Variants in ZNF469 observed in about 807,000 individuals in gnomAD.
ZNF469 encodes zinc finger protein 469.
ZNF469 carries 1 observed loss-of-function variant against 1.0 expected under a neutral mutation model. The observed-to-expected ratio is 1.00, with a 90% CI of 0.35 to 4.73. The LOEUF is 4.73. Ranked by LOEUF, ZNF469 falls within the 30% of genes most tolerant of loss-of-function variation. The pLI is 0.16. For synonymous variants in ZNF469, 2,703 were observed against 2,363.4 expected (o/e 1.14, Z -4.17); for missense variants, 6,100 against 5,356.3 (o/e 1.14, Z -4.33).
rs1198914718 is a variant in ZNF469 at position 88,438,386 on chromosome 16, AG to A, written c.10918del (p.Glu3640LysfsTer80). On this transcript the variant is annotated frameshift_variant, in exon 3 of 3. Coordinates refer to ENST00000565624, the MANE Select transcript of ZNF469 (RefSeq NM_001367624.2). LOFTEE classifies it low-confidence loss of function (END_TRUNC). ...GGCAGGTGTGCCCCTGACCATTTCC[AG>A]GAAGACCACCTACTTCAGAAAGAGA... ...ARGRCAPDHF[Q>X]EDHLLQKEKE... 6.5e-7 allele frequency: 1 copy of A among 1,550,042 alleles called. No homozygotes were observed. The highest frequency in any genetic ancestry group is 8.7e-7 in the Non-Finnish European group (1 of 1,146,954).
the ZNF469 span, among the ~76,000 whole-genome samples, chr16:88,364,829 G>A: frequency 2.0e-5 from 3 of 152,138 alleles, no homozygotes; most frequent in African/African-American, 7.2e-5. Flanking sequence ...ACTGGGTGTG[G>A]TGGCAGGAGC....
At chr16:88,321,354 A>G in the ZNF469 span, among the ~76,000 whole-genome samples, 16,852 of 152,256 alleles carry the variant, frequency 0.11, 1,027 homozygotes, top group East Asian at 0.19. Context: ...GCCTGATTGG[A>G]TGCAGTCTTC....
In ZNF469 at chr16:88,431,382, T is replaced by C. The variant is rs1248460031; in HGVS notation, c.3912T>C (p.Gly1304=). The part of the protein sequence containing the change: ...PTPGVGSLLG[G]PGGTQAPVSH... Reference sequence around the variant, plus strand: ...CAGGTGTGGGCAGCCTGCTGGGTGGTCCTGGGGGCACACAGGCCCCAGTCT... The same window carrying C: ...CAGGTGTGGGCAGCCTGCTGGGTGGCCCTGGGGGCACACAGGCCCCAGTCT... Residue 1304 remains glycine, a synonymous_variant, in exon 3 of 3, where the codon GGT becomes GGC. Transcript: ENST00000565624. 1 of 1,549,914 alleles carries C rather than the reference T, an allele frequency of 6.5e-7. No individual in the cohort carries two copies. Among genetic ancestry groups the C allele is most frequent in the Admixed American group, 2.0e-5 (1 of 50,970 alleles).
At chr16:88,417,433 T>C (rs1255521529) in intron 1 of ZNF469, among the ~76,000 whole-genome samples, 1 of 152,190 alleles carries the variant, frequency 6.6e-6, no homozygotes, top group Non-Finnish European at 1.5e-5. Context: ...TCTAACCACC[T>C]GCCACCTCCA....
At chr16:88,207,842 C>T in the ZNF469 span, among the ~76,000 whole-genome samples, 1 of 151,510 alleles carries the variant, frequency 6.6e-6, no homozygotes, top group Non-Finnish European at 1.5e-5. Context: ...CTGGATAAGC[C>T]ACATCACCTC....
chr16:88,369,514 G>A, the ZNF469 span, among the ~76,000 whole-genome samples: 5 of 152,300 alleles, frequency 3.3e-5, no homozygotes, highest in South Asian at 1.0e-3. Context: ...ACACAGCAGG[G>A]CATCATGTCA....
At position 88,429,117 on chromosome 16, in the gene ZNF469, C is replaced by G. The variant is rs1905927589; in HGVS notation, c.1647C>G (p.Thr549=). The change falls in exon 3 of 3, where the codon ACC becomes ACG. Residue 549 remains threonine, a synonymous_variant. Coordinates refer to ENST00000565624, the MANE Select transcript of ZNF469 (RefSeq NM_001367624.2). ...SSQGGSPALF[T]YNGMTDPGAQ... ...AGGGCGGCTCCCCAGCACTGTTCAC[C>G]TACAACGGAATGACAGACCCTGGGG... 2 of 1,549,890 alleles carry G rather than the reference C, an allele frequency of 1.3e-6. No individual in the cohort carries two copies. The highest frequency in any genetic ancestry group is 1.4e-5 in the African/African-American group (1 of 73,020).
chr16:88,241,331 C>G, the ZNF469 span, among the ~76,000 whole-genome samples: 1 of 150,686 alleles, frequency 6.6e-6, no homozygotes, highest in African/African-American at 2.5e-5. The surrounding 1 kb of genome is among the most constrained non-coding windows in gnomAD (Gnocchi z 4.8). Flanking sequence ...TGCACTCTAG[C>G]CTGGGCGGCA....
At chr16:88,262,199 G>A in the ZNF469 span, among the ~76,000 whole-genome samples, 2 of 152,314 alleles carry the variant, frequency 1.3e-5, no homozygotes, top group African/African-American at 4.8e-5. The surrounding 1 kb of genome is among the most constrained non-coding windows in gnomAD (Gnocchi z 4.3). Flanking sequence ...TGAGGGAAGA[G>A]GCCTTTTCCA....
Position 88,437,775 on chromosome 16 carries a change from C to T in ZNF469, c.10305C>T (p.Arg3435=), listed in dbSNP as rs1254311964. 3 of 1,549,410 alleles carry T rather than the reference C, an allele frequency of 1.9e-6. No individual in the cohort carries two copies. Among genetic ancestry groups the T allele is most frequent in the Non-Finnish European group, 2.6e-6 (3 of 1,146,442 alleles). Residue 3435 remains arginine (R), a synonymous_variant, in exon 3 of 3, where the codon CGC becomes CGT. Coordinates refer to ENST00000565624, the MANE Select transcript of ZNF469 (RefSeq NM_001367624.2). ...TCGCCAAGAAGGAGCAGTTCGACCG[C>T]CACATGAACAAGCACCTCAGGGGGG... The part of the protein sequence containing the change: ...YTFAKKEQFD[R]HMNKHLRGGR...
At chr16:88,161,534 T>C in the ZNF469 span, among the ~76,000 whole-genome samples, 1 of 152,228 alleles carries the variant, frequency 6.6e-6, no homozygotes, top group Non-Finnish European at 1.5e-5. Flanking sequence ...TTGTTGCCTG[T>C]CACCACTCAG....
the ZNF469 span, among the ~76,000 whole-genome samples, chr16:88,166,670 C>T: frequency 2.6e-5 from 4 of 151,872 alleles, no homozygotes; most frequent in East Asian, 1.9e-4. The surrounding 1 kb of genome is among the most constrained non-coding windows in gnomAD (Gnocchi z 4.5). Context: ...AACCGCCCAT[C>T]GATAGCGCCA....
At chr16:88,289,009 A>G in the ZNF469 span, among the ~76,000 whole-genome samples, 1 of 152,080 alleles carries the variant, frequency 6.6e-6, no homozygotes, top group Non-Finnish European at 1.5e-5. Context: ...GGTGGTGATG[A>G]TAATGACGAT....
chr16:88,316,952 G>T, the ZNF469 span, among the ~76,000 whole-genome samples: 7 of 152,134 alleles, frequency 4.6e-5, no homozygotes. Flanking sequence ...GATCCCACGC[G>T]CTCTCCAGCT....
the ZNF469 span, among the ~76,000 whole-genome samples, chr16:88,158,131 A>T: frequency 0.23 from 34,124 of 151,188 alleles, 4,453 homozygotes; most frequent in East Asian, 0.48. Context: ...GGGTCCAGGG[A>T]GGGACCTGAG....
At chr16:88,358,464 T>C in the ZNF469 span, among the ~76,000 whole-genome samples, 1 of 152,088 alleles carries the variant, frequency 6.6e-6, no homozygotes, top group Non-Finnish European at 1.5e-5. Context: ...TGCCCACCCA[T>C]GTACCAACCA....
chr16:88,409,418 G>A (rs1905086687), intron 1 of ZNF469, among the ~76,000 whole-genome samples: 1 of 152,076 alleles, frequency 6.6e-6, no homozygotes, highest in African/African-American at 2.4e-5. Flanking sequence ...CTGGTCACTC[G>A]AGTCCTCAGG....
At chr16:88,159,778 A>G in the ZNF469 span, among the ~76,000 whole-genome samples, 1 of 152,048 alleles carries the variant, frequency 6.6e-6, no homozygotes, top group Admixed American at 6.5e-5. Context: ...TCACAGACAC[A>G]TGGGCAGCCA....
the ZNF469 span, among the ~76,000 whole-genome samples, chr16:88,234,311 T>C: frequency 6.6e-6 from 1 of 152,252 alleles, no homozygotes; most frequent in Non-Finnish European, 1.5e-5. Context: ...GCTTCCTATA[T>C]TATAGATGGG....
Sources: allele counts gnomAD v4.1 joint callset (sites outside exome capture counted in the v4.1 genomes callset), GRCh38; gene constraint gnomAD v4.1.1; non-coding constraint Gnocchi (gnomAD v3.1); transcripts MANE v1.5; gene names NCBI Gene and HGNC (gene_info 2026-07-23, HGNC 2026-07-21).